TTC34: variants seen among roughly 807,000 people sequenced by gnomAD.
TTC34 encodes the protein tetratricopeptide repeat domain 34, also known as tetratricopeptide repeat protein 34.
TTC34 carries 44 observed loss-of-function variants against 40.7 expected under a neutral mutation model. The ratio of observed to expected loss-of-function variants is 1.08; its 90% CI spans 0.85 to 1.39. TTC34 has a LOEUF of 1.39. Among genes scored for constraint, TTC34 ranks in the 40% most tolerant of loss-of-function variants. The pLI is 0.00. For synonymous variants in TTC34, 422 were observed against 398.6 expected (o/e 1.06, Z -0.70); for missense variants, 884 against 838.0 (o/e 1.05, Z -0.68).
intron 6 of TTC34, among the ~76,000 whole-genome samples, chr1:2,768,101 T>C (rs1641842658): frequency 6.6e-6 from 1 of 151,292 alleles, no homozygotes; most frequent in Non-Finnish European, 1.5e-5. Context: ...GGTAAGTGTC[T>C]GACAGCCTAG....
At chr1:2,683,949 C>T (rs1570806030) in intron 6 of TTC34, among the ~76,000 whole-genome samples, 1 of 149,568 alleles carries the variant, frequency 6.7e-6, no homozygotes, top group Non-Finnish European at 1.5e-5. Context: ...GAGCAGTACC[C>T]ACACCCACAG....
chr1:2,787,210 G>A (rs187053457), intron 4 of TTC34, among the ~76,000 whole-genome samples: 158 of 152,308 alleles, frequency 1.0e-3, no homozygotes, highest in African/African-American at 3.4e-3. Flanking sequence ...AAGCAAGTAC[G>A]ACAAAGCAGC....
In TTC34 at chr1:2,645,458, G is replaced by C. The variant is rs1639001517; in HGVS notation, c.2332C>G (p.Leu778Val). ...AGAAGGGCCCGGCAGTGGGAGTAGA[G>C]GCCCTGTGTGATGAGGGCCTGGGCT... The change falls in exon 7 of 9, where the codon CTC (leucine) becomes GTC (valine). Residue 778 changes from leucine to valine, a missense_variant. Physicochemically the swap from Leu to Val is conservative, Grantham distance 32 (BLOSUM62 1). Coordinates refer to ENST00000401095, the Ensembl canonical transcript of TTC34. This position sits in a 1 kb window ranked among gnomAD's most constrained non-coding sequence, Gnocchi z 4.7. The C allele has an allele frequency of 1.7e-5, 26 of 1,535,120 alleles. No individual in the cohort carries two copies. Among genetic ancestry groups the C allele is most frequent in the Non-Finnish European group, 2.3e-5 (26 of 1,146,544 alleles).
chr1:2,795,969 T>C (rs949873159), intron 2 of TTC34, among the ~76,000 whole-genome samples: 1 of 152,254 alleles, frequency 6.6e-6, no homozygotes, highest in Admixed American at 6.5e-5. Flanking sequence ...ACTGCCATTG[T>C]AATGGTATTG....
chr1:2,644,499 ACAGT>A (rs1638979329), intron 7 of TTC34, 21 bp from the exon 8 acceptor site: 1 of 1,527,296 alleles, frequency 6.5e-7, no homozygotes, highest in African/African-American at 1.4e-5. Context: ...TTCAGGAGGG[ACAGT>A]CAGTGTGTGG....
At chr1:2,800,298 C>T (rs866211681) in exon 2 of TTC34, 17 of 398,516 alleles carry the variant, frequency 4.3e-5, no homozygotes, top group Non-Finnish European at 7.1e-5. Context: ...CTGGTGGGTG[C>T]GAATGAAAGC....
chr1:2,792,033 T>TTTTTTTTTTTTTC (rs1553171534), intron 2 of TTC34, among the ~76,000 whole-genome samples: 1 of 107,104 alleles, frequency 9.3e-6, no homozygotes, highest in African/African-American at 4.0e-5. Flanking sequence ...TTTTTTTTTT[T>TTTTTTTTTTTTTC]AAAGACAGGG....
chr1:2,685,220 C>T (rs1381300921), intron 6 of TTC34, among the ~76,000 whole-genome samples: 1 of 125,806 alleles, frequency 7.9e-6, no homozygotes, highest in Non-Finnish European at 1.7e-5. Context: ...CATCTGACAT[C>T]GTGGAGCAGC....
chr1:2,654,211 C>A (rs1570758235), intron 6 of TTC34, among the ~76,000 whole-genome samples: 71 of 151,738 alleles, frequency 4.7e-4, no homozygotes, highest in African/African-American at 1.6e-3. Flanking sequence ...CACCCACACA[C>A]CCAGGTGAGC....
intron 6 of TTC34, among the ~76,000 whole-genome samples, chr1:2,777,797 C>T (rs546092082): frequency 6.6e-5 from 10 of 152,130 alleles, no homozygotes; most frequent in South Asian, 4.1e-4. Context: ...AGCCCTCCAA[C>T]GTCCTGGCTG....
chr1:2,791,870 C>G (rs948823683), intron 2 of TTC34, among the ~76,000 whole-genome samples: 3 of 152,042 alleles, frequency 2.0e-5, no homozygotes, highest in African/African-American at 7.2e-5. Context: ...CCCCAGGTCA[C>G]CCAGCCTCTG....
chr1:2,638,549 C>G (rs1638835183), exon 9 of TTC34: 1 of 152,314 alleles, frequency 6.6e-6, no homozygotes, highest in Non-Finnish European at 1.5e-5. Flanking sequence ...TTCTCTCCAC[C>G]TCCAGCTGAG....
chr1:2,768,266 C>T (rs1382313709), intron 6 of TTC34, among the ~76,000 whole-genome samples: 1 of 151,990 alleles, frequency 6.6e-6, no homozygotes, highest in Non-Finnish European at 1.5e-5. Flanking sequence ...CAGATCCTCA[C>T]CTGGGGATGG....
At chr1:2,752,340 A>C (rs1270476872) in intron 6 of TTC34, among the ~76,000 whole-genome samples, 1 of 129,124 alleles carries the variant, frequency 7.7e-6, no homozygotes, top group Non-Finnish European at 1.6e-5. Context: ...CCCCCAGGTG[A>C]GCATCTGACC....
intron 6 of TTC34, among the ~76,000 whole-genome samples, chr1:2,687,895 G>A (rs1570819238): frequency 6.6e-6 from 1 of 152,194 alleles, no homozygotes. Context: ...ATCCCCAGGT[G>A]AGCATCTGAC....
chr1:2,767,939 G>T (rs1317033926), intron 6 of TTC34, among the ~76,000 whole-genome samples: 1 of 147,906 alleles, frequency 6.8e-6, no homozygotes, highest in Non-Finnish European at 1.5e-5. Flanking sequence ...CCCAAGGTGG[G>T]CATCCGATGG....
At chr1:2,789,746 A>C (rs1370675816) in exon 3 of TTC34, 14 of 742,160 alleles carry the variant, frequency 1.9e-5, no homozygotes, top group Non-Finnish European at 2.5e-5. Context: ...CAGCACCCGC[A>C]GCAGTCCCCG....
chr1:2,684,426 C>T (rs201305205), intron 6 of TTC34, among the ~76,000 whole-genome samples: 1 of 40,254 alleles, frequency 2.5e-5, no homozygotes, highest in South Asian at 6.7e-4. Context: ...GACTGGAACA[C>T]CACCCTGCAC....
chr1:2,756,596 A>C (rs1641513392), intron 6 of TTC34, among the ~76,000 whole-genome samples: 2 of 152,034 alleles, frequency 1.3e-5, no homozygotes, highest in South Asian at 2.1e-4. Flanking sequence ...CCAACAGGTG[A>C]GCATCTGACA....
Sources: allele counts gnomAD v4.1 joint callset (sites outside exome capture counted in the v4.1 genomes callset), GRCh38; gene constraint gnomAD v4.1.1; non-coding constraint Gnocchi (gnomAD v3.1); transcripts MANE v1.5; gene names NCBI Gene and HGNC (gene_info 2026-07-23, HGNC 2026-07-21).